The following TTC28 variants were observed in gnomAD, a reference collection of about 807,000 sequenced individuals.
TTC28 encodes tetratricopeptide repeat protein 28.
In TTC28, 61 loss-of-function variants were observed where a neutral mutation model predicts 198.0. The ratio of observed to expected loss-of-function variants is 0.31; its 90% CI spans 0.25 to 0.38. The LOEUF (loss-of-function observed/expected upper bound fraction) is 0.38, where lower values mean the gene tolerates loss of function less well. TTC28 is among the 10% of genes least tolerant of loss of function. The pLI is 1.00. For missense variants in TTC28, 2,678 were observed against 3,164.0 expected (o/e 0.85, Z 3.69); for synonymous variants, 1,171 against 1,297.8 (o/e 0.90, Z 2.10).
rs150398947 is a variant in TTC28, at chr22:28,346,680, T to C, written c.382-40037A>G. Among the ~76,000 whole-genome samples the C allele has an allele frequency of 5.9e-3, 892 of 152,286 alleles. 7 individuals carry two copies. Among genetic ancestry groups the C allele is most frequent in the African/African-American group, 0.021 (860 of 41,562 alleles). On this transcript the variant is annotated intron_variant, in intron 2 of 22. Coordinates refer to ENST00000397906, the MANE Select transcript of TTC28 (RefSeq NM_001145418.2). ...ACAGCTATCCTTGGTGTACATTTAA[T>C]AGATCTCCAATCTCTGTAACGCAAG...
chr22:28,210,403 C>A (rs1036798666), intron 5 of TTC28, among the ~76,000 whole-genome samples: 2 of 152,038 alleles, frequency 1.3e-5, no homozygotes, highest in African/African-American at 4.8e-5. Context: ...AAAGATTGGA[C>A]GAGTGGCTAA....
intron 5 of TTC28, among the ~76,000 whole-genome samples, chr22:28,264,011 C>T (rs527898679): frequency 1.1e-4 from 16 of 152,048 alleles, no homozygotes; most frequent in Non-Finnish European, 1.5e-4. Flanking sequence ...GGGTGAAAAA[C>T]GGGGAGTGGG....
At position 28,670,357 on chromosome 22, in the gene TTC28, G is replaced by A. The variant is rs575745275; in HGVS notation, c.102+9265C>T. Among the ~76,000 whole-genome samples, 24 of 152,062 alleles carry A rather than the reference G, an allele frequency of 1.6e-4. No individual in the cohort carries two copies. In the East Asian group the frequency reaches 1.7e-3, roughly 11 times the overall value. ...CCCTCCTCCTCCCCACCCAACGTTC[G>A]TGACAAACACTAATCTTCTTTCCCT... is the stretch of plus-strand genomic sequence containing the variant. On this transcript the variant is annotated intron_variant, in intron 1 of 22. Coordinates refer to ENST00000397906, the MANE Select transcript of TTC28 (RefSeq NM_001145418.2).
Position 28,108,371 on chromosome 22 carries a change from T to C in TTC28, c.1474A>G (p.Thr492Ala). The C allele has an allele frequency of 6.8e-7, 1 of 1,466,144 alleles. No individual in the cohort carries two copies. Among genetic ancestry groups the C allele is most frequent in the East Asian group, 2.5e-5 (1 of 39,930 alleles). 90.8% of individuals were successfully genotyped at this position (1,466,144 alleles called of 1,614,324 possible). The change falls in exon 7 of 23, where the codon ACT becomes GCT. Residue 492 changes from threonine to alanine, a missense_variant. Physicochemically the swap from Thr to Ala is moderately conservative, Grantham distance 58. Coordinates refer to ENST00000397906, the MANE Select transcript of TTC28 (RefSeq NM_001145418.2). ...TGGGTCTTGTGGAGTTTCAGTGCAG[T>C]GTCATAATCACCTTTCATCTGGTGT... is the stretch of plus-strand genomic sequence containing the variant. ...IIHQMKGDYD[T>A]ALKLHKTHLC...
intron 5 of TTC28, among the ~76,000 whole-genome samples, chr22:28,222,810 C>A (rs1055648956): frequency 4.6e-5 from 7 of 152,192 alleles, no homozygotes; most frequent in Non-Finnish European, 1.0e-4. Flanking sequence ...AGAAACAAGG[C>A]CTGAGCCGAT....
At position 27,982,882 on chromosome 22, in the gene TTC28, C is replaced by T. The variant is rs1235969983; in HGVS notation, c.6785G>A (p.Ser2262Asn). ...TGGCCGGCCACTGTGCTGGCTCGGG[C>T]TGTCTTTGATGGACATCTCTGAGGT... ...PTTSEMSIKD[S>N]PSQHSGRPSP... The change falls in exon 23 of 23, where the codon AGC becomes AAC. Residue 2262 changes from serine (S) to asparagine (N), a missense_variant. Physicochemically the swap from Ser to Asn is conservative, Grantham distance 46 (BLOSUM62 1). Coordinates refer to ENST00000397906, the MANE Select transcript of TTC28 (RefSeq NM_001145418.2). This position sits in a 1 kb window ranked among gnomAD's most constrained non-coding sequence, Gnocchi z 5.2. 6.4e-7 allele frequency: 1 copy of T among 1,550,648 alleles called. No individual in the cohort carries two copies. The highest frequency in any genetic ancestry group is 8.7e-7 in the Non-Finnish European group (1 of 1,146,278).
At chr22:28,203,108 C>T (rs1054968108) in intron 5 of TTC28, among the ~76,000 whole-genome samples, 15 of 151,950 alleles carry the variant, frequency 9.9e-5, no homozygotes, top group African/African-American at 3.4e-4. Flanking sequence ...GTTTTCTATG[C>T]TTATTTGCGC....
intron 12 of TTC28, among the ~76,000 whole-genome samples, chr22:28,062,280 C>T (rs1448617919): frequency 1.3e-5 from 2 of 151,946 alleles, no homozygotes; most frequent in Admixed American, 6.6e-5. Flanking sequence ...AGGGTGGTCT[C>T]GAACTCTTGA....
At chr22:28,567,319 G>A (rs1378457982) in intron 2 of TTC28, among the ~76,000 whole-genome samples, 1 of 148,362 alleles carries the variant, frequency 6.7e-6, no homozygotes, top group Non-Finnish European at 1.5e-5. Context: ...AGCTCAGGGG[G>A]TCAAGGTTGC....
chr22:28,018,454 C>CT (rs1180860547), intron 13 of TTC28, among the ~76,000 whole-genome samples: 3 of 152,230 alleles, frequency 2.0e-5, no homozygotes, highest in African/African-American at 7.2e-5. Context: ...TCCATCAAGA[C>CT]TTTCTCCCTG....
chr22:28,588,045 G>C (rs145243897), intron 2 of TTC28, among the ~76,000 whole-genome samples: 2,407 of 151,890 alleles, frequency 0.016, 86 homozygotes, highest in African/African-American at 0.056. Context: ...GGGAGGCTGA[G>C]GCAGGAGAAT....
intron 2 of TTC28, among the ~76,000 whole-genome samples, chr22:28,336,805 G>T (rs1157799108): frequency 2.0e-5 from 3 of 152,012 alleles, no homozygotes; most frequent in Non-Finnish European, 2.9e-5. Context: ...TGGATTCACT[G>T]ATTTTTTGAG....
chr22:28,183,984 T>C (rs1923951532), intron 5 of TTC28, among the ~76,000 whole-genome samples: 1 of 152,206 alleles, frequency 6.6e-6, no homozygotes, highest in Admixed American at 6.5e-5. Flanking sequence ...ACTGATTCTG[T>C]TCCCTGCATA....
chr22:28,127,185 C>G (rs1294844285), intron 6 of TTC28, among the ~76,000 whole-genome samples: 1 of 152,130 alleles, frequency 6.6e-6, no homozygotes, highest in South Asian at 2.1e-4. Context: ...ATATCTAGTA[C>G]AGACAAGACT....
rs748997556 is a variant in TTC28 at position 27,993,649 on chromosome 22, A to C, written c.5245-131T>G. The C allele has an allele frequency of 1.0e-5, 9 of 861,498 alleles. No individual in the cohort carries two copies. In the East Asian group the frequency reaches 2.4e-4, roughly 23 times the overall value. 53.4% of individuals were successfully genotyped at this position (861,498 alleles called of 1,614,324 possible). ...GCAACCCCACATAGCCCACGTGGCC[A>C]GGCCTGAGGATGTGACACTGGGGCA... On this transcript the variant is annotated intron_variant, in intron 17 of 22. Coordinates refer to ENST00000397906, the MANE Select transcript of TTC28 (RefSeq NM_001145418.2).
At chr22:28,622,603 T>A (rs2051017706) in intron 2 of TTC28, among the ~76,000 whole-genome samples, 1 of 152,100 alleles carries the variant, frequency 6.6e-6, no homozygotes. Context: ...GACGCAAAGT[T>A]AAAAGCAATA....
Position 28,252,520 on chromosome 22 carries a change from T to C in TTC28, c.933+43678A>G, listed in dbSNP as rs191534576. The stretch of plus-strand genomic sequence containing the variant: ...GAAGCATTTATCTAAATGAAACAAC[T>C]GAAACCAGAGAGAAGCCATTTACTT... On this transcript the variant is annotated intron_variant, in intron 5 of 22. Coordinates refer to ENST00000397906, the MANE Select transcript of TTC28 (RefSeq NM_001145418.2). Among the ~76,000 whole-genome samples, 19 of 152,340 alleles carry C rather than the reference T, an allele frequency of 1.2e-4. No individual in the cohort carries two copies. In the East Asian group the frequency reaches 3.7e-3, roughly 29 times the overall value.
At position 27,992,611 on chromosome 22, in the gene TTC28, C is replaced by A; in HGVS notation, c.5529G>T (p.Glu1843Asp). The change falls in exon 19 of 23, where the codon GAG (glutamate) becomes GAT (aspartate). Residue 1843 changes from glutamate (E) to aspartate (D), a missense_variant. Glu to Asp is a conservative substitution (Grantham distance 45, BLOSUM62 2). Coordinates refer to ENST00000397906, the MANE Select transcript of TTC28 (RefSeq NM_001145418.2). Reference protein sequence around the residue: ...QALCKLITASETGEQLISRAV... With the variant: ...QALCKLITASDTGEQLISRAV... ...CCCGGCTGATGAGCTGCTCGCCCGT[C>A]TCGGAGGCAGTGATGAGTTTGCAAA... The A allele has an allele frequency of 6.4e-7, 1 of 1,551,638 alleles. No homozygotes were observed. Among genetic ancestry groups the A allele is most frequent in the Non-Finnish European group, 8.7e-7 (1 of 1,146,984 alleles).
At chr22:28,410,954 TAAAAC>T (rs576722501) in intron 2 of TTC28, among the ~76,000 whole-genome samples, 96 of 152,126 alleles carry the variant, frequency 6.3e-4, no homozygotes, top group Middle Eastern at 3.4e-3. Context: ...TGGATGAAAT[TAAAAC>T]AAAACAAAAC....
Sources: gnomAD v4.1 joint callset for allele counts (sites outside exome capture counted in the v4.1 genomes callset) on GRCh38, gnomAD v4.1.1 for gene constraint, Gnocchi (gnomAD v3.1) non-coding constraint, MANE v1.5 for transcripts, NCBI Gene and HGNC (gene_info 2026-07-23, HGNC 2026-07-21) for gene names.